EEPD1: variants seen among roughly 807,000 people sequenced by gnomAD.
The protein encoded by EEPD1 is endonuclease/exonuclease/phosphatase family domain-containing protein 1.
A neutral mutation model predicts 46.3 loss-of-function variants in EEPD1; 17 were observed. That is an observed-to-expected ratio of 0.37 (90% CI 0.25 to 0.55). The LOEUF (loss-of-function observed/expected upper bound fraction) is 0.55. Among genes scored for constraint, EEPD1 ranks in the 20% least tolerant of loss-of-function variants. EEPD1 has a pLI of 0.83. For missense variants in EEPD1, 673 were observed against 745.6 expected (o/e 0.90, Z 1.13); for synonymous variants, 313 against 315.6 (o/e 0.99, Z 0.09).
intron 2 of EEPD1, among the ~76,000 whole-genome samples, chr7:36,196,712 T>G (rs62445403): frequency 0.63 from 95,664 of 152,088 alleles, 30,715 homozygotes; most frequent in East Asian, 0.87. Flanking sequence ...GTTAACTCAG[T>G]GCTCAATGGT....
chr7:36,203,564 T>C (rs552495657), intron 2 of EEPD1, among the ~76,000 whole-genome samples: 2 of 152,282 alleles, frequency 1.3e-5, no homozygotes, highest in South Asian at 4.1e-4. Context: ...AAAGACTGCA[T>C]TGTCATTTTT....
chr7:36,182,711 TG>T (rs1785292038), intron 2 of EEPD1, among the ~76,000 whole-genome samples: 1 of 152,218 alleles, frequency 6.6e-6, no homozygotes, highest in Non-Finnish European at 1.5e-5. Context: ...AAGTCAGGAT[TG>T]GAACTCCTGA....
chr7:36,206,626 T>G (rs952229535), intron 2 of EEPD1, among the ~76,000 whole-genome samples: 18 of 152,200 alleles, frequency 1.2e-4, no homozygotes, highest in Non-Finnish European at 1.0e-4. Flanking sequence ...AGAGTCCTCC[T>G]AATATTCATC....
intron 2 of EEPD1, among the ~76,000 whole-genome samples, chr7:36,219,962 A>T (rs1041409478): frequency 3.9e-5 from 6 of 152,096 alleles, no homozygotes; most frequent in African/African-American, 1.2e-4. Flanking sequence ...TGGCCCCTGG[A>T]AGTCCATCCC....
chr7:36,293,835 A>G (rs1280318842), intron 6 of EEPD1, among the ~76,000 whole-genome samples: 3 of 152,066 alleles, frequency 2.0e-5, no homozygotes, highest in Admixed American at 2.0e-4. Context: ...GCAGTGGCAC[A>G]CATCTGTAAT....
At chr7:36,202,098 C>G (rs755671757) in intron 2 of EEPD1, among the ~76,000 whole-genome samples, 3 of 152,160 alleles carry the variant, frequency 2.0e-5, no homozygotes, top group Non-Finnish European at 4.4e-5. Flanking sequence ...TTTCTCCACT[C>G]GAGGACTTGT....
At chr7:36,175,155 A>G (rs995244714) in intron 2 of EEPD1, among the ~76,000 whole-genome samples, 14 of 152,114 alleles carry the variant, frequency 9.2e-5, no homozygotes, top group Non-Finnish European at 1.6e-4. Flanking sequence ...ACACCTCCAC[A>G]TAGGTTATAG....
At chr7:36,214,244 G>C (rs749303334) in intron 2 of EEPD1, among the ~76,000 whole-genome samples, 9 of 152,208 alleles carry the variant, frequency 5.9e-5, no homozygotes, top group Non-Finnish European at 1.0e-4. Flanking sequence ...ACAGCAAAGA[G>C]GATGGGACAA....
chr7:36,253,722 A>T (rs142870742), intron 3 of EEPD1, among the ~76,000 whole-genome samples: 2 of 152,198 alleles, frequency 1.3e-5, no homozygotes, highest in East Asian at 1.9e-4. Context: ...AGATTTTTTT[A>T]AAGTCTATTT....
chr7:36,157,821 CAG>C (rs1259553001), intron 2 of EEPD1, among the ~76,000 whole-genome samples: 3 of 152,166 alleles, frequency 2.0e-5, no homozygotes, highest in African/African-American at 7.2e-5. Flanking sequence ...AAAGCTGTCA[CAG>C]AGTAGATCTC....
At chr7:36,279,416 C>T (rs993869766) in intron 3 of EEPD1, among the ~76,000 whole-genome samples, 12 of 152,218 alleles carry the variant, frequency 7.9e-5, no homozygotes, top group African/African-American at 2.7e-4. Flanking sequence ...TTCCCCACAG[C>T]GCTTGTCCCT....
intron 3 of EEPD1, among the ~76,000 whole-genome samples, chr7:36,279,728 A>G (rs1213238634): frequency 6.6e-6 from 1 of 152,228 alleles, no homozygotes; most frequent in Non-Finnish European, 1.5e-5. Context: ...GGGTTTGTTC[A>G]GGCACAGATT....
intron 2 of EEPD1, among the ~76,000 whole-genome samples, chr7:36,220,266 A>T (rs1470759385): frequency 6.6e-6 from 1 of 152,128 alleles, no homozygotes; most frequent in Non-Finnish European, 1.5e-5. Flanking sequence ...GCATTTTCTG[A>T]TTTTATTGAG....
At chr7:36,216,820 G>C (rs1362752880) in intron 2 of EEPD1, among the ~76,000 whole-genome samples, 3 of 152,102 alleles carry the variant, frequency 2.0e-5, no homozygotes, top group Non-Finnish European at 4.4e-5. Context: ...TAAAATAACA[G>C]ACAACAGCAC....
chr7:36,267,396 C>T (rs1249231046), intron 3 of EEPD1, among the ~76,000 whole-genome samples: 2 of 152,198 alleles, frequency 1.3e-5, no homozygotes, highest in African/African-American at 4.8e-5. Context: ...GCCACAGCCA[C>T]ACTGGCCTCT....
chr7:36,203,132 G>A (rs1785744522), intron 2 of EEPD1, among the ~76,000 whole-genome samples: 2 of 152,184 alleles, frequency 1.3e-5, no homozygotes, highest in African/African-American at 4.8e-5. Flanking sequence ...GAGATGCAGG[G>A]TCAGAATGCC....
In EEPD1 at chr7:36,197,241, G is replaced by T. The variant is rs568508893; in HGVS notation, c.879-41744G>T. Among the ~76,000 whole-genome samples, 384 of 147,802 alleles carry T rather than the reference G, an allele frequency of 2.6e-3. 1 individual carries two copies. The highest frequency in any genetic ancestry group is 9.1e-3 in the African/African-American group (358 of 39,212). ...CAGCCACCCCGTCCGGGAGGGAGGT[G>T]GGGGGGTCAGGCCCCCGCCCGGGCA... On this transcript the variant is annotated intron_variant, in intron 2 of 7. Coordinates refer to ENST00000242108, the MANE Select transcript of EEPD1 (RefSeq NM_030636.3).
chr7:36,196,853 G>A (rs1300343914), intron 2 of EEPD1, among the ~76,000 whole-genome samples: 1 of 151,960 alleles, frequency 6.6e-6, no homozygotes, highest in African/African-American at 2.4e-5. Context: ...GAAGTGAGGA[G>A]CGTCTCTGCC....
chr7:36,199,244 C>T (rs73686999), intron 2 of EEPD1, among the ~76,000 whole-genome samples: 2,194 of 152,206 alleles, frequency 0.014, 52 homozygotes, highest in African/African-American at 0.05. Context: ...CAAGCAGTTT[C>T]TCCTTTGGGT....
Sources: gnomAD v4.1 joint callset for allele counts (sites outside exome capture counted in the v4.1 genomes callset) on GRCh38, gnomAD v4.1.1 for gene constraint, MANE v1.5 for transcripts, NCBI Gene and HGNC (gene_info 2026-07-23, HGNC 2026-07-21) for gene names.